The following GRIN2A variants were observed in gnomAD, a reference collection of about 807,000 sequenced individuals.
GRIN2A encodes glutamate receptor ionotropic, NMDA 2A.
Under a neutral mutation model 113.4 loss-of-function variants are expected in GRIN2A, and 22 were observed. The ratio of observed to expected loss-of-function variants is 0.19; its 90% CI spans 0.14 to 0.28. The LOEUF (loss-of-function observed/expected upper bound fraction) is 0.28. Among genes scored for constraint, GRIN2A ranks in the 10% least tolerant of loss-of-function variants. GRIN2A has a pLI of 1.00. For synonymous variants in GRIN2A, 827 were observed against 738.4 expected, an observed-to-expected ratio of 1.12 and a Z score of -1.94; for missense variants, 1,502 against 1,887.0, an observed-to-expected ratio of 0.80 and a Z score of 3.78.
At chr16:10,012,233 G>T (rs898873272) in intron 2 of GRIN2A, among the ~76,000 whole-genome samples, 3 of 152,180 alleles carry the variant, frequency 2.0e-5, no homozygotes, top group Non-Finnish European at 2.9e-5. Context: ...ACAGAGCACA[G>T]ATTCAATGTT....
chr16:10,130,612 C>T (rs751320060), intron 2 of GRIN2A, among the ~76,000 whole-genome samples: 7 of 152,210 alleles, frequency 4.6e-5, no homozygotes, highest in Non-Finnish European at 7.3e-5. Context: ...AGGAGGAATT[C>T]TATATTTAAC....
At chr16:9,914,898 T>G (rs1325913160) in intron 3 of GRIN2A, among the ~76,000 whole-genome samples, 1 of 131,838 alleles carries the variant, frequency 7.6e-6, no homozygotes, top group Non-Finnish European at 1.6e-5. Context: ...GCCTATTGAT[T>G]ATGCAGCTTT....
At position 10,133,198 on chromosome 16, in the gene GRIN2A, G is replaced by T. The variant is rs1033245009; in HGVS notation, c.414+46800C>A. Among the ~76,000 whole-genome samples the T allele has an allele frequency of 5.3e-5, 8 of 152,344 alleles. No individual in the cohort carries two copies. In the South Asian group the frequency reaches 1.7e-3, roughly 32 times the overall value. ...TTATACAGGAGTCAGAGTTTAGAAG[G>T]TGAACATCTTTGAGAGGTCGTAGTT... On this transcript the variant is annotated intron_variant, in intron 2 of 12. Coordinates refer to ENST00000330684, the MANE Select transcript of GRIN2A (RefSeq NM_001134407.3).
intron 2 of GRIN2A, among the ~76,000 whole-genome samples, chr16:10,049,593 G>C (rs2047321972): frequency 6.6e-6 from 1 of 152,086 alleles, no homozygotes; most frequent in Non-Finnish European, 1.5e-5. Context: ...TGCCCAGGCT[G>C]GTCTCGAACT....
Position 9,785,592 on chromosome 16 carries a change from A to AAT in GRIN2A, c.2356+12683_2356+12684dup, listed in dbSNP as rs147129225. 8.8e-4 allele frequency among the ~76,000 whole-genome samples: 133 copies of AAT among 150,900 alleles called. 1 individual carries two copies. The highest frequency in any genetic ancestry group is 7.0e-3 in the Middle Eastern group (2 of 286). Reference sequence around the variant, plus strand: ...TACCCTAAAACTTAAAGTATAATTAAATATATATATATATAATGTAAAGGG... The same window carrying AAT: ...TACCCTAAAACTTAAAGTATAATTAAATATATATATATATATAATGTAAAGGG... On this transcript the variant is annotated intron_variant, in intron 11 of 12. Transcript: ENST00000330684.
intron 11 of GRIN2A, among the ~76,000 whole-genome samples, chr16:9,769,451 C>CTTTTTTTTTTTTT (rs34847596): frequency 1.9e-5 from 2 of 104,868 alleles, no homozygotes; most frequent in Admixed American, 1.1e-4. Context: ...GGAGTTTTGT[C>CTTTTTTTTTTTTT]TTTTTTTTTT....
chr16:9,889,736 A>G (rs1384825432), intron 4 of GRIN2A, among the ~76,000 whole-genome samples: 1 of 152,158 alleles, frequency 6.6e-6, no homozygotes, highest in African/African-American at 2.4e-5. Flanking sequence ...GTGTGTTGCC[A>G]TTTCCAAATA....
At chr16:9,791,918 G>A (rs977199102) in intron 11 of GRIN2A, among the ~76,000 whole-genome samples, 1 of 152,094 alleles carries the variant, frequency 6.6e-6, no homozygotes, top group African/African-American at 2.4e-5. Context: ...GCTGAATGGT[G>A]CTATTAAAAC....
intron 2 of GRIN2A, among the ~76,000 whole-genome samples, chr16:9,940,418 C>T (rs1457013133): frequency 1.3e-5 from 2 of 152,054 alleles, no homozygotes; most frequent in Non-Finnish European, 2.9e-5. Flanking sequence ...ATTGTTTTCC[C>T]TACAGTAGCT....
At chr16:9,927,438 T>C (rs931817102) in intron 3 of GRIN2A, among the ~76,000 whole-genome samples, 3 of 152,146 alleles carry the variant, frequency 2.0e-5, no homozygotes, top group Admixed American at 2.0e-4. Context: ...AGGAAGTCAG[T>C]TAGAGAAAAA....
rs994305827 is a variant in GRIN2A at position 9,994,451 on chromosome 16, T to A, written c.415-55900A>T. Among the ~76,000 whole-genome samples the A allele has an allele frequency of 5.9e-5, 9 of 152,114 alleles. No homozygotes were observed. The South Asian group carries it at 1.2e-3, about 21-fold the overall frequency. On this transcript the variant is annotated intron_variant, in intron 2 of 12. Coordinates refer to ENST00000330684, the MANE Select transcript of GRIN2A (RefSeq NM_001134407.3). The stretch of plus-strand genomic sequence containing the variant: ...AGAGAGTCTCAGCAATGGGATCCCA[T>A]CAATTAGGAGGAAAGCATTCTCTTC...
At chr16:9,958,221 G>A (rs1471739002) in intron 2 of GRIN2A, among the ~76,000 whole-genome samples, 1 of 152,178 alleles carries the variant, frequency 6.6e-6, no homozygotes. Context: ...ACATTTAGTT[G>A]TTATCATAAT....
At chr16:10,115,388 A>T (rs1390026906) in intron 2 of GRIN2A, among the ~76,000 whole-genome samples, 2 of 152,198 alleles carry the variant, frequency 1.3e-5, no homozygotes, top group Non-Finnish European at 2.9e-5. Flanking sequence ...AGTAGGAGAG[A>T]TGCTTAAACA....
rs2048119077 is a variant in GRIN2A at position 10,088,263 on chromosome 16, C to T, written c.414+91735G>A. ...ATCCTAAAGTCGATTTCCTAAGCTT[C>T]GGCCTGGAAATACTGCCAACATAGA... On this transcript the variant is annotated intron_variant, in intron 2 of 12. Transcript: ENST00000330684. Among the ~76,000 whole-genome samples the T allele has an allele frequency of 2.6e-5, 4 of 152,172 alleles. No individual in the cohort carries two copies. The South Asian group carries it at 6.2e-4, about 24-fold the overall frequency.
intron 2 of GRIN2A, among the ~76,000 whole-genome samples, chr16:9,952,024 T>C (rs538881216): frequency 6.6e-6 from 1 of 152,242 alleles, no homozygotes; most frequent in Non-Finnish European, 1.5e-5. Context: ...GGGTATTTCA[T>C]ATTTGCTGCA....
intron 2 of GRIN2A, among the ~76,000 whole-genome samples, chr16:10,121,171 C>G (rs892565275): frequency 1.4e-5 from 2 of 146,366 alleles, no homozygotes; most frequent in Non-Finnish European, 3.0e-5. Flanking sequence ...CTGTATCACA[C>G]ACACTCCTAC....
intron 2 of GRIN2A, among the ~76,000 whole-genome samples, chr16:10,178,750 C>A (rs985795170): frequency 1.3e-5 from 2 of 152,220 alleles, no homozygotes; most frequent in African/African-American, 2.4e-5. Context: ...TGGTAGGAAT[C>A]GCTGAAACAG....
At chr16:9,927,065 A>G (rs558272477) in intron 3 of GRIN2A, among the ~76,000 whole-genome samples, 20 of 152,176 alleles carry the variant, frequency 1.3e-4, no homozygotes, top group Non-Finnish European at 2.5e-4. Flanking sequence ...TTCAAGTTCT[A>G]TAACTTCTCT....
At chr16:9,940,773 T>A (rs762587051) in intron 2 of GRIN2A, among the ~76,000 whole-genome samples, 1 of 152,136 alleles carries the variant, frequency 6.6e-6, no homozygotes, top group Non-Finnish European at 1.5e-5. Context: ...AACCATCCAA[T>A]ACCCAACCTA....
Sources: allele counts gnomAD v4.1 joint callset (sites outside exome capture counted in the v4.1 genomes callset), GRCh38; gene constraint gnomAD v4.1.1; transcripts MANE v1.5; gene names NCBI Gene and HGNC (gene_info 2026-07-23, HGNC 2026-07-21).